The following CPM variants were observed in gnomAD, a reference collection of about 807,000 sequenced individuals.
CPM encodes carboxypeptidase M, also known as renal carboxypeptidase.
In CPM, 35 loss-of-function variants were observed where a neutral mutation model predicts 46.4. The ratio of observed to expected loss-of-function variants is 0.75; its 90% CI spans 0.58 to 1.00. The LOEUF (loss-of-function observed/expected upper bound fraction) is 1.00. CPM is among the 50% of genes least tolerant of loss of function. The probability of loss-of-function intolerance (pLI) is 0.00; values close to 1 mark genes in which losing one functional copy is unlikely to be tolerated. For missense variants in CPM, 422 were observed against 530.4 expected, an observed-to-expected ratio of 0.80 and a Z score of 2.01; for synonymous variants, 195 against 195.3, an observed-to-expected ratio of 1.00 and a Z score of 0.01.
intron 1 of CPM, among the ~76,000 whole-genome samples, chr12:68,961,390 C>T (rs114841047): frequency 0.025 from 3,733 of 152,254 alleles, 164 homozygotes; most frequent in African/African-American, 0.084. Flanking sequence ...AGTGGTCCAC[C>T]TGCCTTGGGT....
chr12:68,869,530 G>T, intron 5 of CPM, 35 bp from the exon 6 acceptor site: 1 of 1,561,696 alleles, frequency 6.4e-7, no homozygotes. Context: ...CCTTTAAACT[G>T]ACTTGAGAGT....
intron 2 of CPM, among the ~76,000 whole-genome samples, chr12:68,907,767 T>C (rs1268469332): frequency 6.6e-6 from 1 of 152,226 alleles, no homozygotes; most frequent in Non-Finnish European, 1.5e-5. Context: ...CCACTTTTGC[T>C]AACCTTTGCT....
intron 2 of CPM, among the ~76,000 whole-genome samples, chr12:68,929,191 T>C (rs887285016): frequency 1.6e-4 from 24 of 152,178 alleles, no homozygotes; most frequent in African/African-American, 5.8e-4. Context: ...GTGGAGAGAC[T>C]ACCCTGAGAA....
At chr12:68,849,037 G>A (rs1884517635), downstream of CPM, 1 of 151,486 alleles carries the variant, frequency 6.6e-6, no homozygotes, top group South Asian at 2.1e-4. Flanking sequence ...TTAACCACAA[G>A]GTGGGAGGTG....
At chr12:68,882,576 A>G (rs1395012120) in intron 3 of CPM, among the ~76,000 whole-genome samples, 1 of 152,164 alleles carries the variant, frequency 6.6e-6, no homozygotes, top group African/African-American at 2.4e-5. Flanking sequence ...TCCTTTGGGT[A>G]TATATTGGGA....
At chr12:68,877,927 A>G (rs1233353227) in intron 3 of CPM, among the ~76,000 whole-genome samples, 2 of 152,310 alleles carry the variant, frequency 1.3e-5, no homozygotes, top group East Asian at 1.9e-4. Context: ...ACTACATCTC[A>G]TCAACTGTCT....
At chr12:68,947,819 T>A (rs895235659) in intron 1 of CPM, among the ~76,000 whole-genome samples, 2 of 151,448 alleles carry the variant, frequency 1.3e-5, no homozygotes, top group African/African-American at 2.4e-5. Flanking sequence ...TTTTTTAAAA[T>A]TTTTTTTTAT....
intron 2 of CPM, among the ~76,000 whole-genome samples, chr12:68,925,181 A>T (rs763318181): frequency 6.6e-6 from 1 of 152,218 alleles, no homozygotes; most frequent in South Asian, 2.1e-4. Flanking sequence ...CTTAATATGC[A>T]TTTCCCAAGA....
intron 2 of CPM, among the ~76,000 whole-genome samples, chr12:68,930,994 AC>A (rs758256889): frequency 3.4e-4 from 52 of 152,208 alleles, no homozygotes; most frequent in Non-Finnish European, 6.3e-4. Flanking sequence ...AAATTGCTCT[AC>A]TCTAGCCCTA....
upstream of CPM, among the ~76,000 whole-genome samples, chr12:68,937,152 G>A (rs1195817): frequency 0.64 from 97,909 of 152,066 alleles, 32,554 homozygotes; most frequent in African/African-American, 0.82. Context: ...TCAAAATTTT[G>A]TATGTGCCAT....
At chr12:68,959,856 C>G (rs1889083024) in intron 1 of CPM, among the ~76,000 whole-genome samples, 1 of 152,356 alleles carries the variant, frequency 6.6e-6, no homozygotes, top group Admixed American at 6.5e-5. Flanking sequence ...CATTTCAGCT[C>G]TGCTATATCC....
chr12:68,848,733 G>A (rs1285608592), downstream of CPM: 1 of 152,076 alleles, frequency 6.6e-6, no homozygotes, highest in Non-Finnish European at 1.5e-5. Context: ...TTTTGGGGGG[G>A]ACGAAGTCTC....
intron 2 of CPM, among the ~76,000 whole-genome samples, chr12:68,895,515 C>T (rs1251086425): frequency 1.3e-5 from 2 of 152,196 alleles, no homozygotes; most frequent in East Asian, 1.9e-4. Context: ...TTCTGCAGTA[C>T]AGTCCAGCCC....
At chr12:68,890,888 T>G (rs1218395044) in intron 2 of CPM, among the ~76,000 whole-genome samples, 9 of 152,272 alleles carry the variant, frequency 5.9e-5, no homozygotes, top group Non-Finnish European at 1.5e-5. Context: ...GCTGCAGTGA[T>G]GTGAAGCACA....
chr12:68,912,121 C>A (rs144425779), intron 2 of CPM: 24,029 of 152,230 alleles, frequency 0.16, 2,113 homozygotes, highest in African/African-American at 0.25. Context: ...AATTCTCCTG[C>A]CTCAGCCTCC....
At chr12:68,894,246 G>C (rs904086406) in intron 2 of CPM, among the ~76,000 whole-genome samples, 5 of 152,192 alleles carry the variant, frequency 3.3e-5, no homozygotes, top group African/African-American at 1.2e-4. Flanking sequence ...GCACTGCCTG[G>C]TGTGTTCACC....
intron 2 of CPM, among the ~76,000 whole-genome samples, chr12:68,926,593 G>C (rs1592702690): frequency 6.6e-6 from 1 of 151,596 alleles, no homozygotes; most frequent in Non-Finnish European, 1.5e-5. Flanking sequence ...TTAAGTTTTA[G>C]GGTACATGTG....
intron 6 of CPM, among the ~76,000 whole-genome samples, chr12:68,868,702 A>G (rs778494636): frequency 3.3e-5 from 5 of 152,094 alleles, no homozygotes; most frequent in Non-Finnish European, 4.4e-5. Context: ...CCCTCCTCCC[A>G]CTGTATCCTG....
At chr12:68,908,151 C>T (rs1887431670) in intron 2 of CPM, among the ~76,000 whole-genome samples, 1 of 152,162 alleles carries the variant, frequency 6.6e-6, no homozygotes, top group Non-Finnish European at 1.5e-5. Flanking sequence ...GGACTATTAT[C>T]TCAAACTCAT....
Sources: allele counts gnomAD v4.1 joint callset (sites outside exome capture counted in the v4.1 genomes callset), GRCh38; gene constraint gnomAD v4.1.1; transcripts MANE v1.5; gene names NCBI Gene and HGNC (gene_info 2026-07-23, HGNC 2026-07-21).